Variants in MOB4 observed in about 807,000 individuals in gnomAD.
The protein encoded by MOB4 is MOB-like protein phocein.
Under a neutral mutation model 32.2 loss-of-function variants are expected in MOB4, and 4 were observed. That is an observed-to-expected ratio of 0.12 (90% CI 0.06 to 0.28). MOB4 has a LOEUF of 0.28. Among genes scored for constraint, MOB4 ranks in the 10% least tolerant of loss-of-function variants. MOB4 has a pLI of 1.00. For missense variants in MOB4, 158 were observed against 271.2 expected, an observed-to-expected ratio of 0.58 and a Z score of 2.93; for synonymous variants, 88 against 88.1, an observed-to-expected ratio of 1.00 and a Z score of 0.01.
intron 1 of MOB4, chr2:197,516,646 G>A (rs2086418763): frequency 2.1e-6 from 1 of 471,980 alleles, no homozygotes; most frequent in Non-Finnish European, 4.4e-6. Context: ...GCCGGATCCG[G>A]GTGCCGATAT....
At position 197,550,812 on chromosome 2, in the gene MOB4, A is replaced by C; in HGVS notation, c.*166A>C. On this transcript the variant is annotated 3_prime_UTR_variant, in exon 8 of 8. Transcript: ENST00000323303. ...ATGGGAAATACTTTTTAAGTTATTC[A>C]TAAGCTGTATATTCACCAGTGTGGC... 2 of 744,472 alleles carry C rather than the reference A, an allele frequency of 2.7e-6. No homozygotes were observed. The highest frequency in any genetic ancestry group is 7.1e-5 in the South Asian group (2 of 28,326). The allele number at this position is 744,472 out of a possible 1,614,324, so 46.1% of individuals were successfully genotyped here. A position where few individuals can be genotyped will look rare whatever the true frequency, so the allele number is the denominator to read the frequency against.
At chr2:197,515,944 G>C (rs1041058971), upstream of MOB4, 1 of 816,472 alleles carries the variant, frequency 1.2e-6, no homozygotes, top group Non-Finnish European at 1.9e-6. Context: ...GCTTCTACCC[G>C]GACGGCTCCC....
chr2:197,550,250 T>A (rs373465979), intron 6 of MOB4, 25 bp from the exon 7 acceptor site: 4 of 1,589,268 alleles, frequency 2.5e-6, no homozygotes, highest in Non-Finnish European at 3.4e-6. Context: ...GTTCTAAGAA[T>A]CTATGGTTTC....
At chr2:197,541,908 G>A (rs943016949) in intron 5 of MOB4, among the ~76,000 whole-genome samples, 1 of 149,264 alleles carries the variant, frequency 6.7e-6, no homozygotes, top group Admixed American at 6.9e-5. Context: ...GACAGAGCGA[G>A]ACTCCGTCTC....
At chr2:197,549,979 A>T (rs1394796934) in intron 6 of MOB4, among the ~76,000 whole-genome samples, 1 of 152,176 alleles carries the variant, frequency 6.6e-6, no homozygotes, top group Non-Finnish European at 1.5e-5. Flanking sequence ...TAATGTTGGA[A>T]ATAGATGTTA....
chr2:197,537,633 A>G (rs1252889879), intron 3 of MOB4, among the ~76,000 whole-genome samples: 1 of 152,186 alleles, frequency 6.6e-6, no homozygotes, highest in African/African-American at 2.4e-5. Flanking sequence ...CTATTTTCTA[A>G]CTTTTTAATA....
intron 5 of MOB4, among the ~76,000 whole-genome samples, chr2:197,547,188 A>G (rs1173986763): frequency 2.6e-5 from 4 of 152,106 alleles, no homozygotes; most frequent in Non-Finnish European, 4.4e-5. Flanking sequence ...GAGTAGGCTG[A>G]GGAGAAAGAG....
chr2:197,533,985 G>A (rs1428597940), intron 2 of MOB4: 22 of 527,698 alleles, frequency 4.2e-5, no homozygotes, highest in South Asian at 2.7e-4. Context: ...TACATGAGAT[G>A]GCACACATAC....
At chr2:197,546,547 C>T (rs1457278697) in intron 5 of MOB4, among the ~76,000 whole-genome samples, 1 of 152,054 alleles carries the variant, frequency 6.6e-6, no homozygotes, top group Non-Finnish European at 1.5e-5. Flanking sequence ...ATCATAGTGC[C>T]ACCATGTCTG....
At chr2:197,541,588 G>A (rs1464610671) in intron 5 of MOB4, among the ~76,000 whole-genome samples, 1 of 152,220 alleles carries the variant, frequency 6.6e-6, no homozygotes, top group Non-Finnish European at 1.5e-5. Flanking sequence ...CATTCAGGAT[G>A]TCACATTTTT....
chr2:197,523,731 A>T (rs757844625), intron 2 of MOB4, 45 bp downstream of exon 2: 3 of 1,563,184 alleles, frequency 1.9e-6, no homozygotes, highest in South Asian at 2.4e-5. Flanking sequence ...TTGGAGTACG[A>T]TGTGTAAGTG....
rs1388382877 is a variant in MOB4 at position 197,552,710 on chromosome 2, A to C, written c.*2064A>C. 1 of 152,374 alleles carries C rather than the reference A, an allele frequency of 6.6e-6. No individual in the cohort carries two copies. Among genetic ancestry groups the C allele is most frequent in the African/African-American group, 2.4e-5 (1 of 41,456 alleles). 9.4% of individuals were successfully genotyped at this position (152,374 alleles called of 1,614,324 possible). A position where few individuals can be genotyped will look rare whatever the true frequency, so the allele number is the denominator to read the frequency against. On this transcript the variant is annotated 3_prime_UTR_variant, in exon 8 of 8. Transcript: ENST00000323303. ...ACTATACTAGGTAAGACCTAAGTGA[A>C]ACAGTTCCTGTTTTTCCTTAATACT...
In MOB4 at chr2:197,530,525, A is replaced by G. The variant is rs1372707486; in HGVS notation, c.124-5005A>G. Reference sequence around the variant, plus strand: ...AGCAGTCCTCCTGCCTCAGCCTGCTAAGTTTTTCAGCACTTTAAAAATGTT... The same window carrying G: ...AGCAGTCCTCCTGCCTCAGCCTGCTGAGTTTTTCAGCACTTTAAAAATGTT... On this transcript the variant is annotated intron_variant, in intron 2 of 7. Transcript: ENST00000323303. 2.6e-5 allele frequency among the ~76,000 whole-genome samples: 4 copies of G among 151,922 alleles called. No homozygotes were observed. In the East Asian group the frequency reaches 5.8e-4, roughly 22 times the overall value.
chr2:197,548,267 A>G, intron 5 of MOB4, 69 bp from the exon 6 acceptor site: 3 of 1,384,090 alleles, frequency 2.2e-6, no homozygotes, highest in Non-Finnish European at 2.0e-6. Context: ...AGGTATACCC[A>G]TATAATGAAT....
chr2:197,545,548 C>CAG (rs2086979193), intron 5 of MOB4, among the ~76,000 whole-genome samples: 1 of 152,090 alleles, frequency 6.6e-6, no homozygotes, highest in Non-Finnish European at 1.5e-5. Context: ...GAGAAACATA[C>CAG]AGTACGGCAT....
Position 197,553,610 on chromosome 2 carries a change from T to C in MOB4, c.*2964T>C, listed in dbSNP as rs2087132419. ...TAAATTTTAAATTGTATATACTTTA[T>C]TTTGTGAATCCTTGTTGAATGTGCT... On this transcript the variant is annotated 3_prime_UTR_variant, in exon 8 of 8. Coordinates refer to ENST00000323303, the MANE Select transcript of MOB4 (RefSeq NM_015387.5). The C allele has an allele frequency of 6.6e-6, 1 of 152,212 alleles. No homozygotes were observed. Among genetic ancestry groups the C allele is most frequent in the Admixed American group, 6.5e-5 (1 of 15,278 alleles). 9.4% of individuals were successfully genotyped at this position (152,212 alleles called of 1,614,324 possible). A position where few individuals can be genotyped will look rare whatever the true frequency, so the allele number is the denominator to read the frequency against.
rs575073295 is a variant in MOB4 at position 197,523,426 on chromosome 2, A to C, written c.61-198A>C. On this transcript the variant is annotated intron_variant, in intron 1 of 7. Transcript: ENST00000323303. ...TAGTGAGCTATGATTGTGCCACTGCACACAAGCATGGGCTGCAGAGTGAGA... is the reference window on the plus strand; with the variant it reads ...TAGTGAGCTATGATTGTGCCACTGCCCACAAGCATGGGCTGCAGAGTGAGA... Among the ~76,000 whole-genome samples the C allele has an allele frequency of 1.3e-3, 191 of 152,368 alleles. 1 individual carries two copies. Among genetic ancestry groups the C allele is most frequent in the Non-Finnish European group, 6.0e-4 (41 of 68,030 alleles).
intron 2 of MOB4, among the ~76,000 whole-genome samples, chr2:197,527,356 T>C (rs931161262): frequency 6.6e-6 from 1 of 152,166 alleles, no homozygotes; most frequent in African/African-American, 2.4e-5. Flanking sequence ...CTGCAAAAAA[T>C]TTTATCTCCT....
rs748476204 is a variant in MOB4, at chr2:197,550,843, T to A, written c.*197T>A. On this transcript the variant is annotated 3_prime_UTR_variant, in exon 8 of 8. Transcript: ENST00000323303. ...TGTATATTCACCAGTGTGGCACTCA[T>A]GGTTTTTAAATAAGATTAGTATTAT... is the stretch of plus-strand genomic sequence containing the variant. 4.4e-6 allele frequency: 2 copies of A among 454,398 alleles called. No individual in the cohort carries two copies. The highest frequency in any genetic ancestry group is 6.8e-6 in the Non-Finnish European group (2 of 296,170). 28.1% of individuals were successfully genotyped at this position (454,398 alleles called of 1,614,324 possible). A position where few individuals can be genotyped will look rare whatever the true frequency, so the allele number is the denominator to read the frequency against.
Sources: allele counts gnomAD v4.1 joint callset (sites outside exome capture counted in the v4.1 genomes callset), GRCh38; gene constraint gnomAD v4.1.1; transcripts MANE v1.5; gene names NCBI Gene and HGNC (gene_info 2026-07-23, HGNC 2026-07-21).